PCDHA8: variants seen among roughly 807,000 people sequenced by gnomAD.
PCDHA8 encodes the protein protocadherin alpha-8.
PCDHA8 carries 53 observed loss-of-function variants against 61.8 expected under a neutral mutation model. The observed-to-expected ratio is 0.86, with a 90% CI of 0.69 to 1.08. The LOEUF (loss-of-function observed/expected upper bound fraction) is 1.08, where lower values mean the gene tolerates loss of function less well. PCDHA8 is among the 50% of genes least tolerant of loss of function. PCDHA8 has a pLI of 0.00. For missense variants in PCDHA8, 1,293 were observed against 1,245.0 expected (o/e 1.04, Z -0.58); for synonymous variants, 618 against 556.6 (o/e 1.11, Z -1.55).
rs576221086 is a variant in PCDHA8, at chr5:140,933,031, A to G, written c.2395-45918A>G. Among the ~76,000 whole-genome samples, 5 of 152,154 alleles carry G rather than the reference A, an allele frequency of 3.3e-5. No individual in the cohort carries two copies. The South Asian group carries it at 6.2e-4, about 19-fold the overall frequency. ...AATATTAACACTTGGCAGAACTTCAAGTGAATATGGATTACAGTCCAGGAT... is the reference window on the plus strand; with the variant it reads ...AATATTAACACTTGGCAGAACTTCAGGTGAATATGGATTACAGTCCAGGAT... On this transcript the variant is annotated intron_variant, in intron 1 of 3. Coordinates refer to ENST00000531613, the MANE Select transcript of PCDHA8 (RefSeq NM_018911.3).
chr5:140,891,122 G>T (rs572236105), intron 1 of PCDHA8, among the ~76,000 whole-genome samples: 1 of 152,256 alleles, frequency 6.6e-6, no homozygotes, highest in East Asian at 1.9e-4. Context: ...CAATCTAAAT[G>T]TCATTCCTTT....
chr5:140,870,252 G>C lies in PCDHA8; in HGVS notation c.2394+26537G>C, dbSNP rs782545691. On this transcript the variant is annotated intron_variant, in intron 1 of 3. Coordinates refer to ENST00000531613, the MANE Select transcript of PCDHA8 (RefSeq NM_018911.3). ...ACCGTGACTCAGGTGTCAACGGACA[G>C]GTGACCTGCTCGCTGACGCCCCACG... The C allele has an allele frequency of 4.3e-6, 7 of 1,614,080 alleles. No homozygotes were observed. The South Asian group carries it at 7.7e-5, about 18-fold the overall frequency.
At chr5:140,911,539 C>T (rs1554194791) in intron 1 of PCDHA8, among the ~76,000 whole-genome samples, 1 of 152,194 alleles carries the variant, frequency 6.6e-6, no homozygotes, top group African/African-American at 2.4e-5. Context: ...ATTAGAATCC[C>T]TAAGTTCATC....
chr5:140,848,048 A>G, intron 1 of PCDHA8: 1 of 161,290 alleles, frequency 6.2e-6, no homozygotes, highest in Admixed American at 5.8e-5. Context: ...GAATCATTTT[A>G]ATTGTTACTT....
intron 1 of PCDHA8, among the ~76,000 whole-genome samples, chr5:140,915,092 C>T (rs781958993): frequency 9.2e-5 from 14 of 151,760 alleles, no homozygotes; most frequent in East Asian, 1.9e-4. Context: ...ACTATGGGCA[C>T]GCACCACCAC....
At chr5:140,889,113 G>C (rs1256051132) in intron 1 of PCDHA8, among the ~76,000 whole-genome samples, 1 of 151,370 alleles carries the variant, frequency 6.6e-6, no homozygotes, top group East Asian at 1.9e-4. Context: ...TTTATTCCAG[G>C]TGATACTGAT....
intron 1 of PCDHA8, among the ~76,000 whole-genome samples, chr5:140,872,927 T>A (rs1020178513): frequency 3.9e-5 from 6 of 152,216 alleles, no homozygotes; most frequent in African/African-American, 1.4e-4. Flanking sequence ...TTATCTCTAA[T>A]GTTTTTGAAA....
At chr5:140,902,974 A>T (rs1291767760) in intron 1 of PCDHA8, among the ~76,000 whole-genome samples, 1 of 152,178 alleles carries the variant, frequency 6.6e-6, no homozygotes, top group African/African-American at 2.4e-5. Context: ...ATGGGCATTT[A>T]GGTTGGTTCC....
intron 1 of PCDHA8, among the ~76,000 whole-genome samples, chr5:140,897,713 A>C (rs2066278692): frequency 1.3e-5 from 2 of 152,302 alleles, no homozygotes; most frequent in East Asian, 3.9e-4. Flanking sequence ...CAGTAATGGG[A>C]TGGCTGGGTC....
rs200253752 is a variant in PCDHA8, at chr5:140,890,259, T to TA, written c.2394+46544_2394+46545insA. ...TTTACCAGTACACTACTGCACCTGA[T>TA]TGCAAGCAAGAACCACTCAGTTGAG... On this transcript the variant is annotated intron_variant, in intron 1 of 3. Coordinates refer to ENST00000531613, the MANE Select transcript of PCDHA8 (RefSeq NM_018911.3). Among the ~76,000 whole-genome samples the TA allele has an allele frequency of 8.0e-3, 1,219 of 152,258 alleles. 6 individuals carry two copies. Among genetic ancestry groups the TA allele is most frequent in the African/African-American group, 0.019 (787 of 41,546 alleles).
chr5:140,876,715 C>A (rs570565884), intron 1 of PCDHA8: 7 of 1,614,232 alleles, frequency 4.3e-6, no homozygotes, highest in East Asian at 2.2e-5. Context: ...CGCCCTGGAC[C>A]GCGAGAGCGT....
rs2043307910 is a variant in PCDHA8, at chr5:140,855,009, A to C, written c.2394+11294A>C. Among the ~76,000 whole-genome samples the C allele has an allele frequency of 1.3e-5, 2 of 149,938 alleles. 1 individual carries two copies. Among genetic ancestry groups the C allele is most frequent in the Admixed American group, 1.3e-4 (2 of 14,922 alleles). ...CTTTTTGCCCGTGTAAGATATTATA[A>C]AATGAAACTTCTTGTATAAAGGATT... On this transcript the variant is annotated intron_variant, in intron 1 of 3. Coordinates refer to ENST00000531613, the MANE Select transcript of PCDHA8 (RefSeq NM_018911.3).
At chr5:140,888,983 T>C (rs193278447) in intron 1 of PCDHA8, among the ~76,000 whole-genome samples, 22 of 152,266 alleles carry the variant, frequency 1.4e-4, no homozygotes, top group African/African-American at 5.1e-4. Flanking sequence ...AATTTATGAT[T>C]TATGATTTTC....
chr5:140,968,091 C>T lies in PCDHA8; in HGVS notation c.2395-10858C>T, dbSNP rs782079016. 1.4e-5 allele frequency: 22 copies of T among 1,614,128 alleles called. No individual in the cohort carries two copies. Among genetic ancestry groups the T allele is most frequent in the Non-Finnish European group, 1.9e-5 (22 of 1,180,016 alleles). On this transcript the variant is annotated intron_variant, in intron 1 of 3. Coordinates refer to ENST00000531613, the MANE Select transcript of PCDHA8 (RefSeq NM_018911.3). ...GTCTACAACATCACGGTGACAGCCA[C>T]AGATGGGGGAATACCGCAGCTCACA...
intron 3 of PCDHA8, among the ~76,000 whole-genome samples, chr5:141,006,751 G>A (rs1369409000): frequency 2.0e-5 from 3 of 152,166 alleles, no homozygotes; most frequent in Non-Finnish European, 4.4e-5. Flanking sequence ...ATTATAAATG[G>A]AGAATGAAGA....
intron 1 of PCDHA8, chr5:140,856,405 C>T: frequency 6.3e-7 from 1 of 1,598,432 alleles, no homozygotes; most frequent in Non-Finnish European, 8.6e-7. Flanking sequence ...TCCATGTGGA[C>T]GTGGAAGTGA....
chr5:140,967,595 G>A, intron 1 of PCDHA8: 1 of 1,614,168 alleles, frequency 6.2e-7, no homozygotes, highest in Non-Finnish European at 8.5e-7. Context: ...CACATTGGTG[G>A]TGAAGCTGAA....
At chr5:140,853,895 TG>T in intron 1 of PCDHA8, 1 of 971,706 alleles carries the variant, frequency 1.0e-6, no homozygotes, top group Non-Finnish European at 1.2e-6. Flanking sequence ...TAAAAAGATG[TG>T]GTGGCCTGAC....
chr5:140,842,494 C>T lies in PCDHA8; in HGVS notation c.1173C>T (p.Pro391=), dbSNP rs2150337446. The T allele has an allele frequency of 1.1e-5, 17 of 1,613,862 alleles. No homozygotes were observed. In the South Asian group the frequency reaches 1.6e-4, roughly 16 times the overall value. The change falls in exon 1 of 4, where the codon CCC becomes CCT. Residue 391 remains proline (P), a synonymous_variant. Transcript: ENST00000531613. ...GGCAGGTGACCTGCTCCCTGATGCCCCATGTCCCCTTCAAGCTGGTGTCCA... is the reference window on the plus strand; with the variant it reads ...GGCAGGTGACCTGCTCCCTGATGCCTCATGTCCCCTTCAAGCTGGTGTCCA... ...ANGQVTCSLM[P]HVPFKLVSTF... is the part of the protein sequence containing the mutation.
Sources: gnomAD v4.1 joint callset for allele counts (sites outside exome capture counted in the v4.1 genomes callset) on GRCh38, gnomAD v4.1.1 for gene constraint, MANE v1.5 for transcripts, NCBI Gene and HGNC (gene_info 2026-07-23, HGNC 2026-07-21) for gene names.